The following FMR1NB variants were observed in gnomAD, a reference collection of about 807,000 sequenced individuals.
FMR1NB encodes the protein FMR1 neighbor, also known as FMR1 neighbor protein.
Under a neutral mutation model 16.8 loss-of-function variants are expected in FMR1NB, and 10 were observed. That is an observed-to-expected ratio of 0.60 (90% CI 0.37 to 1.01). FMR1NB has a LOEUF of 1.01. FMR1NB is among the 50% of genes least tolerant of loss of function. The pLI is 0.01. For synonymous variants in FMR1NB, 83 were observed against 79.1 expected, an observed-to-expected ratio of 1.05 and a Z score of -0.26; for missense variants, 205 against 204.8, an observed-to-expected ratio of 1.00 and a Z score of 0.00.
chrX:147,985,549 A>G (rs902639949), intron 1 of FMR1NB, among the ~76,000 whole-genome samples: 76 of 110,233 alleles, frequency 6.9e-4, no homozygotes, highest in Non-Finnish European at 7.6e-4. Context: ...ACTCCCACTT[A>G]TGTGTGAGAA....
intron 1 of FMR1NB, 147 bp from the exon 2 acceptor site, chrX:148,003,054 A>T: frequency 1.7e-6 from 1 of 586,729 alleles, no homozygotes; most frequent in Admixed American, 3.4e-5. Flanking sequence ...ATTATTAATG[A>T]TGCTTAAGCT....
chrX:147,981,769 A>G, intron 1 of FMR1NB, 90 bp downstream of exon 1: 1 of 977,530 alleles, frequency 1.0e-6, no homozygotes, highest in South Asian at 2.4e-5. Flanking sequence ...CACCGGCACC[A>G]ACCATAGGCC....
intron 4 of FMR1NB, among the ~76,000 whole-genome samples, chrX:148,017,937 C>G (rs1358703949): frequency 9.3e-6 from 1 of 107,885 alleles, no homozygotes; most frequent in African/African-American, 3.4e-5. Context: ...TCCAGTCTAT[C>G]ATTGTTGGAC....
chrX:147,986,828 T>G (rs1483795076), intron 1 of FMR1NB, among the ~76,000 whole-genome samples: 1 of 111,952 alleles, frequency 8.9e-6, no homozygotes, highest in East Asian at 2.8e-4. Flanking sequence ...CATATGAAAT[T>G]TAAAGTAGTA....
At chrX:148,017,348 C>T (rs2044654707) in intron 4 of FMR1NB, among the ~76,000 whole-genome samples, 1 of 109,953 alleles carries the variant, frequency 9.1e-6, no homozygotes, top group South Asian at 3.9e-4. Context: ...TTGAGGTCAT[C>T]TTCTTTTGGT....
intron 4 of FMR1NB, among the ~76,000 whole-genome samples, chrX:148,018,018 A>C (rs1354698761): frequency 9.4e-6 from 1 of 106,462 alleles, no homozygotes; most frequent in African/African-American, 3.5e-5. Context: ...ATGTGTCTTT[A>C]TAGCAGCATG....
At chrX:147,995,772 T>C (rs2044538555) in intron 1 of FMR1NB, among the ~76,000 whole-genome samples, 1 of 112,758 alleles carries the variant, frequency 8.9e-6, no homozygotes, top group African/African-American at 3.2e-5. Flanking sequence ...GAATGAGGCA[T>C]TACACATAGA....
intron 1 of FMR1NB, among the ~76,000 whole-genome samples, chrX:147,982,339 A>G (rs1200572732): frequency 7.3e-5 from 8 of 109,630 alleles, no homozygotes; most frequent in East Asian, 2.9e-4. Context: ...TGTAATCCCA[A>G]TACTTTGGGA....
At chrX:148,013,560 G>T (rs2044635525) in intron 4 of FMR1NB, among the ~76,000 whole-genome samples, 1 of 112,010 alleles carries the variant, frequency 8.9e-6, no homozygotes, top group Admixed American at 9.5e-5. Context: ...CTTTCACCAC[G>T]TTTCATGGAT....
At chrX:147,999,599 C>G (rs1557188508) in intron 1 of FMR1NB, among the ~76,000 whole-genome samples, 1 of 111,100 alleles carries the variant, frequency 9.0e-6, no homozygotes, top group African/African-American at 3.3e-5. Context: ...AGTAGCCCCC[C>G]TCCTTTATTC....
chrX:148,025,141 G>A, intron 5 of FMR1NB, 128 bp downstream of exon 5: 1 of 703,948 alleles, frequency 1.4e-6, no homozygotes, highest in South Asian at 3.2e-5. Flanking sequence ...ATCACAGGAG[G>A]GCCAGCTTCT....
At chrX:148,001,929 A>G (rs2044572707) in intron 1 of FMR1NB, among the ~76,000 whole-genome samples, 1 of 110,952 alleles carries the variant, frequency 9.0e-6, no homozygotes, top group Non-Finnish European at 1.9e-5. Flanking sequence ...GATTTAATAA[A>G]GGGCCTTATG....
In FMR1NB at chrX:148,007,292, T is replaced by A. The variant is rs188495857; in HGVS notation, c.538+450T>A. 7.2e-5 allele frequency among the ~76,000 whole-genome samples: 8 copies of A among 111,878 alleles called. No homozygotes were observed. In the Admixed American group the frequency reaches 7.6e-4, roughly 11 times the overall value. On this transcript the variant is annotated intron_variant, in intron 3 of 5. Transcript: ENST00000370467. ...AGGTCTGCTTATTAGTTTTTCTTTA[T>A]TGGGTATTTTTTGAGATAGCATCTC...
At chrX:148,006,871 A>AT in intron 3 of FMR1NB, 29 bp downstream of exon 3, 2 of 1,162,842 alleles carry the variant, frequency 1.7e-6, no homozygotes, top group Non-Finnish European at 2.3e-6. Context: ...ATTTATTTCT[A>AT]TTTTTTAATA....
chrX:148,015,356 C>G (rs782554998), intron 4 of FMR1NB, among the ~76,000 whole-genome samples: 2 of 110,682 alleles, frequency 1.8e-5, no homozygotes, highest in African/African-American at 6.6e-5. Context: ...TTTTTATTCC[C>G]TAATTGTGGG....
chrX:147,992,825 C>T (rs1238232633), intron 1 of FMR1NB, among the ~76,000 whole-genome samples: 2 of 77,746 alleles, frequency 2.6e-5, no homozygotes, highest in Admixed American at 2.6e-4. Flanking sequence ...GATGGGTGGC[C>T]GGGCAGAGAC....
chrX:148,000,001 C>T (rs1262024071), intron 1 of FMR1NB, among the ~76,000 whole-genome samples: 4 of 111,476 alleles, frequency 3.6e-5, no homozygotes, highest in African/African-American at 1.3e-4. Context: ...AATAAAGATA[C>T]AGAGCATTTG....
intron 1 of FMR1NB, among the ~76,000 whole-genome samples, chrX:148,001,195 TA>T (rs1557188626): frequency 8.9e-6 from 1 of 111,862 alleles, no homozygotes; most frequent in Non-Finnish European, 1.9e-5. Flanking sequence ...TTCAGGGACA[TA>T]AAAAGAGACT....
At chrX:148,008,577 G>A in intron 3 of FMR1NB, 41 bp from the exon 4 acceptor site, 1 of 1,146,187 alleles carries the variant, frequency 8.7e-7, no homozygotes, top group Non-Finnish European at 1.2e-6. Context: ...TACTTCTCTT[G>A]CTTAAGTCAT....
Sources: gnomAD v4.1 joint callset for allele counts (sites outside exome capture counted in the v4.1 genomes callset) on GRCh38, gnomAD v4.1.1 for gene constraint, MANE v1.5 for transcripts, NCBI Gene and HGNC (gene_info 2026-07-23, HGNC 2026-07-21) for gene names.